Variants in RAVER2 observed in about 807,000 individuals in gnomAD.
RAVER2 encodes ribonucleoprotein PTB-binding 2.
A neutral mutation model predicts 78.1 loss-of-function variants in RAVER2; 46 were observed. That is an observed-to-expected ratio of 0.59 (90% CI 0.46 to 0.75). The LOEUF is 0.75. Among genes scored for constraint, RAVER2 ranks in the 30% least tolerant of loss-of-function variants. RAVER2 has a pLI of 0.00. For missense variants in RAVER2, 793 were observed against 837.5 expected (o/e 0.95, Z 0.66); for synonymous variants, 311 against 313.3 (o/e 0.99, Z 0.08).
At chr1:64,777,830 A>G (rs1652510900) in exon 3 of RAVER2, 3 of 1,614,146 alleles carry the variant, frequency 1.9e-6, no homozygotes, top group Non-Finnish European at 2.5e-6. Flanking sequence ...TTTCTGGTCT[A>G]TAGTGAAGTT....
intron 2 of RAVER2, 100 bp from the exon 3 acceptor site, chr1:64,777,523 G>T: frequency 1.1e-6 from 1 of 929,828 alleles, no homozygotes; most frequent in Non-Finnish European, 1.6e-6. Context: ...TCAGAAAAAA[G>T]GTGTATGTTT....
chr1:64,830,270 C>T (rs1480001931), intron 11 of RAVER2, among the ~76,000 whole-genome samples: 1 of 152,196 alleles, frequency 6.6e-6, no homozygotes, highest in African/African-American at 2.4e-5. Context: ...GGGATGGTGC[C>T]TGAAAACCTG....
At chr1:64,752,651 T>TG (rs1651732195) in intron 1 of RAVER2, among the ~76,000 whole-genome samples, 2 of 152,180 alleles carry the variant, frequency 1.3e-5, no homozygotes, top group African/African-American at 2.4e-5. Context: ...TATCCCCATC[T>TG]GTAGGGGTGA....
chr1:64,753,020 ACTAAATCC>A (rs1256380527), intron 1 of RAVER2, among the ~76,000 whole-genome samples: 1 of 152,214 alleles, frequency 6.6e-6, no homozygotes, highest in African/African-American at 2.4e-5. Flanking sequence ...TATGCAAGCC[ACTAAATCC>A]CTTTTATTGT....
At position 64,807,508 on chromosome 1, in the gene RAVER2, A is replaced by G. The variant is rs746681532; in HGVS notation, c.1680+34A>G. The G allele has an allele frequency of 8.1e-5, 129 of 1,590,460 alleles. 2 individuals are homozygous for G. In the East Asian group the frequency reaches 2.8e-3, roughly 34 times the overall value. On this transcript the variant is annotated intron_variant, in intron 9 of 11. Transcript: ENST00000294428. ...ACTGTGGGTGCACACAGATGTATAT[A>G]TACATGTATATGTATATATATTCCT...
At chr1:64,801,893 G>A (rs1570568983) in intron 5 of RAVER2, among the ~76,000 whole-genome samples, 1 of 152,320 alleles carries the variant, frequency 6.6e-6, no homozygotes, top group African/African-American at 2.4e-5. Context: ...AAAAAGAATG[G>A]CTGCTCCATA....
At chr1:64,832,022 A>G (rs1654153614) in exon 12 of RAVER2, 1 of 152,506 alleles carries the variant, frequency 6.6e-6, no homozygotes, top group Non-Finnish European at 1.5e-5. Context: ...TCTAATAGCA[A>G]CTATTCCTTT....
At chr1:64,800,953 T>C (rs1458295611) in intron 5 of RAVER2, among the ~76,000 whole-genome samples, 1 of 152,074 alleles carries the variant, frequency 6.6e-6, no homozygotes, top group Non-Finnish European at 1.5e-5. Context: ...TTGGTTACAA[T>C]GAGGATTTAT....
Position 64,745,592 on chromosome 1 carries a change from GC to G in RAVER2, c.249+174del, listed in dbSNP as rs1204132972. ...TTCTTGGGGTTTCTAGCCTGCAGAC[GC>G]CCTGCCAGGGAGGGGGGCAGATTGG... is the stretch of plus-strand genomic sequence containing the variant. On this transcript the variant is annotated intron_variant, in intron 1 of 11. Coordinates refer to ENST00000294428, the Ensembl canonical transcript of RAVER2. This position sits in a 1 kb window ranked among gnomAD's most constrained non-coding sequence, Gnocchi z 4.3. Among the ~76,000 whole-genome samples the G allele has an allele frequency of 7.2e-6, 1 of 138,636 alleles. No individual in the cohort carries two copies. Among genetic ancestry groups the G allele is most frequent in the African/African-American group, 2.5e-5 (1 of 40,568 alleles). The allele number at this position is 138,636 out of a possible 152,430, so 91.0% of individuals were successfully genotyped here.
chr1:64,827,574 A>G (rs1372839196), intron 11 of RAVER2, among the ~76,000 whole-genome samples: 2 of 152,212 alleles, frequency 1.3e-5, no homozygotes, highest in East Asian at 1.9e-4. Context: ...TGAATATTAG[A>G]CATGTAAAAC....
At chr1:64,789,388 A>T in exon 5 of RAVER2, 1 of 1,605,112 alleles carries the variant, frequency 6.2e-7, no homozygotes, top group African/African-American at 1.3e-5. Context: ...TTCATTGCAG[A>T]TGCACAGTAA....
At chr1:64,815,493 G>A (rs1653733932) in intron 11 of RAVER2, 1 of 152,114 alleles carries the variant, frequency 6.6e-6, no homozygotes. Context: ...TACTCTTAGT[G>A]GTGTAAGCTG....
At chr1:64,749,900 A>G (rs1233962981) in intron 1 of RAVER2, among the ~76,000 whole-genome samples, 7 of 152,110 alleles carry the variant, frequency 4.6e-5, no homozygotes. Flanking sequence ...AAACAGGGGC[A>G]TTTGCTTCTT....
chr1:64,766,128 G>A (rs1652168432), intron 1 of RAVER2, among the ~76,000 whole-genome samples: 1 of 152,158 alleles, frequency 6.6e-6, no homozygotes, highest in Admixed American at 6.5e-5. Context: ...ACTGAATCTG[G>A]TATGGAAATA....
At chr1:64,807,054 A>G (rs1413822369) in intron 8 of RAVER2, 152 bp from the exon 9 acceptor site, 3 of 808,878 alleles carry the variant, frequency 3.7e-6, no homozygotes, top group African/African-American at 1.7e-5. Flanking sequence ...GGAACCCACT[A>G]ATTAACAACC....
At chr1:64,830,959 T>C in exon 12 of RAVER2, 5 of 1,613,686 alleles carry the variant, frequency 3.1e-6, no homozygotes, top group Non-Finnish European at 4.2e-6. Flanking sequence ...CATGGAAACT[T>C]ACTTAAAAAA....
At chr1:64,823,733 A>G (rs994829900) in intron 11 of RAVER2, among the ~76,000 whole-genome samples, 2 of 152,166 alleles carry the variant, frequency 1.3e-5, no homozygotes, top group African/African-American at 2.4e-5. Flanking sequence ...CCAGTTTGAC[A>G]TAGTCCCAAT....
At chr1:64,813,828 GACACACACACACACACAC>G (rs10566575) in intron 10 of RAVER2, among the ~76,000 whole-genome samples, 84 of 146,008 alleles carry the variant, frequency 5.8e-4, no homozygotes, top group African/African-American at 7.6e-4. Context: ...TTAGAGACTA[GACACACACACACACACAC>G]ACACACACAC....
intron 2 of RAVER2, among the ~76,000 whole-genome samples, chr1:64,775,469 C>T (rs1004868405): frequency 6.6e-6 from 1 of 152,322 alleles, no homozygotes; most frequent in African/African-American, 2.4e-5. Flanking sequence ...TGGAATCTGG[C>T]ACATGATACG....
Sources: gnomAD v4.1 joint callset for allele counts (sites outside exome capture counted in the v4.1 genomes callset) on GRCh38, gnomAD v4.1.1 for gene constraint, Gnocchi (gnomAD v3.1) non-coding constraint, MANE v1.5 for transcripts, NCBI Gene and HGNC (gene_info 2026-07-23, HGNC 2026-07-21) for gene names.